The following DSP variants were observed in gnomAD, a reference collection of about 807,000 sequenced individuals.
DSP encodes the protein desmoplakin.
A neutral mutation model predicts 290.6 loss-of-function variants in DSP; 114 were observed. That is an observed-to-expected ratio of 0.39 (90% confidence interval 0.34 to 0.46). The LOEUF is 0.46. Among genes scored for constraint, DSP ranks in the 20% least tolerant of loss-of-function variants. DSP has a pLI of 0.99. For missense variants in DSP, 3,230 were observed against 3,495.8 expected (o/e 0.92, Z 1.92); for synonymous variants, 1,311 against 1,316.4 (o/e 1.00, Z 0.09).
chr6:7,579,196 T>C lies in DSP; in HGVS notation c.3085-79T>C. On this transcript the variant is annotated intron_variant, in intron 22 of 23. Coordinates refer to ENST00000379802, the MANE Select transcript of DSP (RefSeq NM_004415.4). The surrounding 1 kb of genome is among the most constrained non-coding windows in gnomAD (Gnocchi z 4.1). ...AGAGAAATAAGAATGCACATTGGTC[T>C]GGGAGGGGAAAAGTACTGCTTCTTT... The C allele has an allele frequency of 6.4e-7, 1 of 1,571,090 alleles. No individual in the cohort carries two copies. The highest frequency in any genetic ancestry group is 8.7e-7 in the Non-Finnish European group (1 of 1,155,290).
chr6:7,571,834 T>C lies in DSP; in HGVS notation c.1904-8T>C. Reference sequence around the variant, plus strand: ...TCTGATTTTTGTGGCCCTAACTTCTTTTTACAGTGACCACAACTGAAATCA... The same window carrying C: ...TCTGATTTTTGTGGCCCTAACTTCTCTTTACAGTGACCACAACTGAAATCA... On this transcript the variant is annotated splice_polypyrimidine_tract_variant and splice_region_variant and intron_variant, in intron 14 of 23. Coordinates refer to ENST00000379802, the MANE Select transcript of DSP (RefSeq NM_004415.4). The C allele has an allele frequency of 6.2e-7, 1 of 1,611,294 alleles. No homozygotes were observed. The highest frequency in any genetic ancestry group is 2.2e-5 in the East Asian group (1 of 44,876).
At chr6:7,559,477 G>A in intron 4 of DSP, 77 bp downstream of exon 4, 3 of 1,582,806 alleles carry the variant, frequency 1.9e-6, no homozygotes, top group Non-Finnish European at 2.6e-6. Flanking sequence ...ATGTGTTTGT[G>A]TGACAAAGAG....
chr6:7,560,749 G>T lies in DSP; in HGVS notation c.597+1349G>T, dbSNP rs145160512. 4.2e-3 allele frequency among the ~76,000 whole-genome samples: 638 copies of T among 152,296 alleles called. 6 individuals carry two copies. The highest frequency in any genetic ancestry group is 0.014 in the African/African-American group (601 of 41,574). ...TAACTACATCTTAAGGATCCACAAT[G>T]ATGGGCAAAACAGCCTTCCAATCAA... is the stretch of plus-strand genomic sequence containing the variant. On this transcript the variant is annotated intron_variant, in intron 4 of 23. Transcript: ENST00000379802.
rs147484870 is a variant in DSP, at chr6:7,585,145, T to C, written c.7883T>C (p.Leu2628Pro). 5.8e-5 allele frequency: 93 copies of C among 1,614,134 alleles called. No homozygotes were observed. In the East Asian group the frequency reaches 1.9e-3, roughly 33 times the overall value. ...GCAGCCATCTTTGACACAGAAAACC[T>C]GGAGAAAATCTCCATTACAGAAGGT... ...PIAAIFDTENLEKISITEGIE... is the reference protein window; with the variant it reads ...PIAAIFDTENPEKISITEGIE... Residue 2628 changes from leucine to proline, a missense_variant, in exon 24 of 24, where the codon CTG (leucine) becomes CCG (proline). Around this residue, in one of 5 missense-constraint regions of DSP, gnomAD observed 582 missense variants for 555.4 expected, o/e 1.05. Transcript: ENST00000379802.
rs778121646 is a variant in DSP at position 7,571,431 on chromosome 6, G to A, written c.1750G>A (p.Glu584Lys). Residue 584 changes from glutamate (E) to lysine (K), a missense_variant, in exon 14 of 24, where the codon GAG (glutamate) becomes AAG (lysine). Coordinates refer to ENST00000379802, the MANE Select transcript of DSP (RefSeq NM_004415.4). The part of the protein sequence containing the change: ...EDYMKTIADL[E>K]LHYQEFIRNS... ...TTACATGAAGACGATAGCCGACCTT[G>A]AGTTACATTACCAAGAGTTCATCAG... 6.2e-7 allele frequency: 1 copy of A among 1,614,186 alleles called. No homozygotes were observed. The highest frequency in any genetic ancestry group is 8.5e-7 in the Non-Finnish European group (1 of 1,180,046).
intron 8 of DSP, 34 bp from the exon 9 acceptor site, chr6:7,567,320 C>A: frequency 6.4e-7 from 1 of 1,568,004 alleles, no homozygotes; most frequent in Non-Finnish European, 8.8e-7. Flanking sequence ...TACAACTGAG[C>A]TAGGCTAAGA....
chr6:7,570,176 A>G (rs571757116), intron 12 of DSP, among the ~76,000 whole-genome samples: 48 of 152,338 alleles, frequency 3.2e-4, no homozygotes, highest in African/African-American at 1.1e-3. Flanking sequence ...ACCTCTGTCA[A>G]TTACAAAGTT....
intron 4 of DSP, among the ~76,000 whole-genome samples, chr6:7,561,428 A>C (rs2757632): frequency 3.3e-5 from 5 of 151,866 alleles, no homozygotes; most frequent in Admixed American, 6.5e-5. Context: ...GCTTTACCTC[A>C]TTCCCAGGAG....
Position 7,585,779 on chromosome 6 carries a change from C to T in DSP, c.8517C>T (p.Ser2839=), listed in dbSNP as rs1377457121. 12 of 1,609,150 alleles carry T rather than the reference C, an allele frequency of 7.5e-6. No individual in the cohort carries two copies. Among genetic ancestry groups the T allele is most frequent in the Middle Eastern group, 1.7e-4 (1 of 6,018 alleles). Residue 2839 remains serine (S), a synonymous_variant, in exon 24 of 24, where the codon TCC becomes TCT. Coordinates refer to ENST00000379802, the MANE Select transcript of DSP (RefSeq NM_004415.4). ...CGGGATCTCGCTCCGGATCTCGCTC[C>T]GGGTCCCGCAGTGGGTCCCGGAGAG... ...SRSGSRSGSR[S]GSRSGSRRGS...
At position 7,583,758 on chromosome 6, in the gene DSP, C is replaced by T. The variant is rs141026028; in HGVS notation, c.6496C>T (p.Arg2166Ter). Residue 2166 changes from arginine (R) to a stop codon, truncating the protein, a stop_gained, in exon 24 of 24, where the codon CGA becomes TGA. Coordinates refer to ENST00000379802, the MANE Select transcript of DSP (RefSeq NM_004415.4). LOFTEE classifies it high-confidence loss of function. The surrounding 1 kb of genome is among the most constrained non-coding windows in gnomAD (Gnocchi z 4.0). Reference sequence around the variant, plus strand: ...TTTGTATCGATCCCTGAATGATCCCCGAGATAGTCAGAAAAACTTTGTGGA... The same window carrying T: ...TTTGTATCGATCCCTGAATGATCCCTGAGATAGTCAGAAAAACTTTGTGGA... ...RDLYRSLNDP[R>*]DSQKNFVDPV... 15 of 1,613,952 alleles carry T rather than the reference C, an allele frequency of 9.3e-6. No homozygotes were observed. The highest frequency in any genetic ancestry group is 1.7e-5 in the Admixed American group (1 of 59,998).
chr6:7,554,127 C>CACACACACACACACACACACACACACA (rs1171658955), intron 1 of DSP, among the ~76,000 whole-genome samples: 3 of 23,966 alleles, frequency 1.3e-4, no homozygotes, highest in East Asian at 1.9e-3. Flanking sequence ...ACACACACAC[C>CACACACACACACACACACACACACACA]CAGTTGGTTA....
Position 7,585,738 on chromosome 6 carries a change from C to T in DSP, c.8476C>T (p.Arg2826Cys), listed in dbSNP as rs139969658. 14 of 1,609,602 alleles carry T rather than the reference C, an allele frequency of 8.7e-6. No homozygotes were observed. The highest frequency in any genetic ancestry group is 1.3e-5 in the African/African-American group (1 of 74,646). ...CAACATGTCTTCGGCTCCGGGGTCCCGCTCCGGCTCCCGCTCGGGATCTCG... is the reference window on the plus strand; with the variant it reads ...CAACATGTCTTCGGCTCCGGGGTCCTGCTCCGGCTCCCGCTCGGGATCTCG... ...PYNMSSAPGSRSGSRSGSRSG... is the reference protein window; with the variant it reads ...PYNMSSAPGSCSGSRSGSRSG... Residue 2826 changes from arginine (R) to cysteine (C), a missense_variant, in exon 24 of 24, where the codon CGC becomes TGC. Arg to Cys is a radical substitution (Grantham distance 180). This residue lies in a region of DSP where 582 missense variants were observed against 555.4 expected (regional missense o/e 1.05). Transcript: ENST00000379802.
chr6:7,569,892 G>T (rs1304677110), intron 12 of DSP, among the ~76,000 whole-genome samples: 1 of 151,834 alleles, frequency 6.6e-6, no homozygotes, highest in Non-Finnish European at 1.5e-5. Flanking sequence ...TACTTGTCAT[G>T]CACTTCAAAG....
chr6:7,574,921 G>A (rs1003968673), intron 17 of DSP, 126 bp downstream of exon 17: 1 of 1,217,840 alleles, frequency 8.2e-7, no homozygotes, highest in South Asian at 1.3e-5. Flanking sequence ...GGCCACACAG[G>A]TTGACATCAG....
At chr6:7,573,993 A>G (rs1475272499) in intron 15 of DSP, 93 bp from the exon 16 acceptor site, 12 of 1,281,696 alleles carry the variant, frequency 9.4e-6, no homozygotes, top group Non-Finnish European at 1.2e-5. Flanking sequence ...CACTGTGTCT[A>G]TGTGTATTAA....
At chr6:7,551,564 A>T (rs1343613761) in intron 1 of DSP, among the ~76,000 whole-genome samples, 1 of 151,820 alleles carries the variant, frequency 6.6e-6, no homozygotes, top group African/African-American at 2.4e-5. Context: ...CAGGATGTGG[A>T]GGTTGCAATG....
intron 2 of DSP, among the ~76,000 whole-genome samples, 156 bp from the exon 3 acceptor site, chr6:7,557,960 C>T (rs905097218): frequency 4.6e-5 from 7 of 152,210 alleles, no homozygotes; most frequent in East Asian, 3.9e-4. Flanking sequence ...CATGAATCTC[C>T]GTCTGTTTAC....
chr6:7,556,105 C>T (rs1207955468), intron 2 of DSP, among the ~76,000 whole-genome samples: 1 of 152,178 alleles, frequency 6.6e-6, no homozygotes, highest in African/African-American at 2.4e-5. Context: ...TTATGATTTA[C>T]GTGACTTTTT....
intron 3 of DSP, 31 bp from the exon 4 acceptor site, chr6:7,559,195 T>C: frequency 1.9e-6 from 3 of 1,613,072 alleles, no homozygotes; most frequent in Non-Finnish European, 1.7e-6. Flanking sequence ...GCTGTTTTCC[T>C]GCAGTGGTTT....
Sources: gnomAD v4.1 joint callset for allele counts (sites outside exome capture counted in the v4.1 genomes callset) on GRCh38, gnomAD v4.1.1 for gene constraint, gnomAD v4.1.1 regional missense constraint, Gnocchi (gnomAD v3.1) non-coding constraint, MANE v1.5 for transcripts, NCBI Gene and HGNC (gene_info 2026-07-23, HGNC 2026-07-21) for gene names.